SGCZ: variants seen among roughly 807,000 people sequenced by gnomAD.
SGCZ encodes the protein zeta-sarcoglycan.
Under a neutral mutation model 41.3 loss-of-function variants are expected in SGCZ, and 40 were observed. The ratio of observed to expected loss-of-function variants is 0.97; its 90% CI spans 0.75 to 1.26. The LOEUF is 1.26. Among genes scored for constraint, SGCZ ranks in the 50% most tolerant of loss-of-function variants. The pLI is 0.00. For missense variants in SGCZ, 552 were observed against 369.8 expected (o/e 1.49, Z -4.04); for synonymous variants, 206 against 137.5 (o/e 1.50, Z -3.49).
chr8:14,238,649 A>G (rs1806854479), intron 3 of SGCZ, among the ~76,000 whole-genome samples: 1 of 152,182 alleles, frequency 6.6e-6, no homozygotes, highest in Non-Finnish European at 1.5e-5. Flanking sequence ...TTCTCATTTT[A>G]ACGCTCTAAA....
At chr8:14,711,881 A>T (rs1253860637) in intron 1 of SGCZ, among the ~76,000 whole-genome samples, 1 of 152,198 alleles carries the variant, frequency 6.6e-6, no homozygotes, top group East Asian at 1.9e-4. Context: ...ATTGAAAGCC[A>T]ATATACTGAG....
At chr8:14,977,657 C>T (rs1238791412) in intron 1 of SGCZ, among the ~76,000 whole-genome samples, 2 of 152,078 alleles carry the variant, frequency 1.3e-5, no homozygotes, top group Non-Finnish European at 2.9e-5. Context: ...CCTGAGACTA[C>T]ACCACAAGAA....
intron 1 of SGCZ, among the ~76,000 whole-genome samples, chr8:14,806,220 T>C (rs1332322155): frequency 2.0e-5 from 3 of 150,730 alleles, no homozygotes; most frequent in Non-Finnish European, 4.4e-5. Flanking sequence ...AGGCAAGAAA[T>C]AACTAAAATC....
chr8:14,849,704 G>C (rs369951375), intron 1 of SGCZ, among the ~76,000 whole-genome samples: 1 of 152,182 alleles, frequency 6.6e-6, no homozygotes, highest in East Asian at 1.9e-4. Flanking sequence ...TAATGCATAA[G>C]TTCCGTATCT....
At chr8:14,715,634 T>C (rs1406417407) in intron 1 of SGCZ, among the ~76,000 whole-genome samples, 1 of 151,860 alleles carries the variant, frequency 6.6e-6, no homozygotes, top group Non-Finnish European at 1.5e-5. Flanking sequence ...ATACGAAAAT[T>C]ATGTCTGATA....
intron 2 of SGCZ, among the ~76,000 whole-genome samples, chr8:14,406,840 T>C (rs1405773318): frequency 6.6e-6 from 1 of 152,142 alleles, no homozygotes; most frequent in Non-Finnish European, 1.5e-5. Context: ...GATTCTGAGA[T>C]GCAGTTCTGT....
At chr8:15,146,586 C>A (rs2117008725) in intron 1 of SGCZ, among the ~76,000 whole-genome samples, 1 of 152,252 alleles carries the variant, frequency 6.6e-6, no homozygotes, top group South Asian at 2.1e-4. Context: ...GTAGTGTATT[C>A]TGTTTGTAGC....
intron 3 of SGCZ, among the ~76,000 whole-genome samples, chr8:14,268,884 G>A (rs998790925): frequency 5.3e-5 from 8 of 151,530 alleles, no homozygotes; most frequent in African/African-American, 1.9e-4. Context: ...AACTTAAAGA[G>A]AAAACTTTAA....
intron 4 of SGCZ, among the ~76,000 whole-genome samples, chr8:14,167,629 C>A (rs1804248672): frequency 6.6e-6 from 1 of 152,066 alleles, no homozygotes; most frequent in Non-Finnish European, 1.5e-5. Flanking sequence ...ATAATAGGTT[C>A]CATAAAAAGA....
intron 1 of SGCZ, among the ~76,000 whole-genome samples, chr8:14,761,123 A>G (rs1432862514): frequency 5.3e-5 from 8 of 152,248 alleles, no homozygotes. Flanking sequence ...ATAATTAAAG[A>G]TAATTATTCT....
intron 1 of SGCZ, among the ~76,000 whole-genome samples, chr8:15,039,074 C>G (rs1803979739): frequency 6.6e-6 from 1 of 151,934 alleles, no homozygotes; most frequent in African/African-American, 2.4e-5. Context: ...GTATGGAGGT[C>G]CCTCAGACAA....
chr8:14,492,458 C>T lies in SGCZ; in HGVS notation c.234+62274G>A, dbSNP rs554841001. ...TTTAGAGAATAAAATTGGTGAACTG[C>T]TTCCATTTTATACTATTTCCTGTTT... On this transcript the variant is annotated intron_variant, in intron 2 of 7. Coordinates refer to ENST00000382080, the MANE Select transcript of SGCZ (RefSeq NM_139167.4). 8.6e-4 allele frequency among the ~76,000 whole-genome samples: 131 copies of T among 152,254 alleles called. 1 individual carries two copies. The highest frequency in any genetic ancestry group is 3.0e-3 in the African/African-American group (123 of 41,544).
At chr8:14,840,635 T>C (rs1039416073) in intron 1 of SGCZ, among the ~76,000 whole-genome samples, 1 of 152,074 alleles carries the variant, frequency 6.6e-6, no homozygotes, top group African/African-American at 2.4e-5. Flanking sequence ...TCTTGCACTC[T>C]AACTATCTTA....
chr8:14,397,079 G>A (rs77758020), intron 2 of SGCZ, among the ~76,000 whole-genome samples: 3 of 151,876 alleles, frequency 2.0e-5, no homozygotes, highest in South Asian at 2.1e-4. Flanking sequence ...TCCTCTCAAC[G>A]TTACGTAAAT....
At position 15,004,517 on chromosome 8, in the gene SGCZ, C is replaced by T. The variant is rs889349735; in HGVS notation, c.39+233068G>A. On this transcript the variant is annotated intron_variant, in intron 1 of 7. Coordinates refer to ENST00000382080, the MANE Select transcript of SGCZ (RefSeq NM_139167.4). ...AGAGGTGGGAATTTCAAGAAAAAATCTGACATCATAAAAACCCAATGCAGA... is the reference window on the plus strand; with the variant it reads ...AGAGGTGGGAATTTCAAGAAAAAATTTGACATCATAAAAACCCAATGCAGA... Among the ~76,000 whole-genome samples the T allele has an allele frequency of 5.3e-5, 8 of 152,288 alleles. No homozygotes were observed. In the South Asian group the frequency reaches 1.2e-3, roughly 24 times the overall value.
At position 15,102,013 on chromosome 8, in the gene SGCZ, A is replaced by G. The variant is rs190614117; in HGVS notation, c.39+135572T>C. Among the ~76,000 whole-genome samples the G allele has an allele frequency of 3.9e-3, 590 of 152,282 alleles. 2 individuals carry two copies. The highest frequency in any genetic ancestry group is 0.013 in the African/African-American group (541 of 41,570). The stretch of plus-strand genomic sequence containing the variant: ...CTTAGGCCTACCATCTGATCCAGCA[A>G]TCACACCTCTAGCCTACCATCTGAT... On this transcript the variant is annotated intron_variant, in intron 1 of 7. Coordinates refer to ENST00000382080, the MANE Select transcript of SGCZ (RefSeq NM_139167.4).
chr8:14,258,018 T>C (rs2117225166), intron 3 of SGCZ, among the ~76,000 whole-genome samples: 1 of 152,316 alleles, frequency 6.6e-6, no homozygotes, highest in Non-Finnish European at 1.5e-5. Flanking sequence ...GGTAGTTTGT[T>C]GAATAAGAAC....
At chr8:14,556,241 T>A (rs1804031322) in intron 1 of SGCZ, among the ~76,000 whole-genome samples, 1 of 151,808 alleles carries the variant, frequency 6.6e-6, no homozygotes, top group African/African-American at 2.4e-5. Flanking sequence ...TTCATTATTA[T>A]CTCTTCAGTT....
chr8:14,954,515 C>G (rs553030555), intron 1 of SGCZ, among the ~76,000 whole-genome samples: 184 of 152,194 alleles, frequency 1.2e-3, no homozygotes, highest in African/African-American at 4.3e-3. Context: ...AATGCAGCTT[C>G]CACGATTGCA....
Sources: allele counts gnomAD v4.1 joint callset (sites outside exome capture counted in the v4.1 genomes callset), GRCh38; gene constraint gnomAD v4.1.1; transcripts MANE v1.5; gene names NCBI Gene and HGNC (gene_info 2026-07-23, HGNC 2026-07-21).